The following SORCS1 variants were observed in gnomAD, a reference collection of about 807,000 sequenced individuals.
The protein encoded by SORCS1 is sortilin related VPS10 domain containing receptor 1.
A neutral mutation model predicts 146.1 loss-of-function variants in SORCS1; 60 were observed. The ratio of observed to expected loss-of-function variants is 0.41; its 90% CI spans 0.33 to 0.51. The LOEUF (loss-of-function observed/expected upper bound fraction) is 0.51, where lower values mean the gene tolerates loss of function less well. Ranked by LOEUF, SORCS1 falls within the 20% of genes least tolerant of loss-of-function variation. The probability of loss-of-function intolerance (pLI) is 0.21; values close to 1 mark genes in which losing one functional copy is unlikely to be tolerated. For missense variants in SORCS1, 1,352 were observed against 1,487.6 expected (o/e 0.91, Z 1.50); for synonymous variants, 637 against 584.0 (o/e 1.09, Z -1.31).
At chr10:106,664,618 G>T (rs1176607273) in intron 17 of SORCS1, among the ~76,000 whole-genome samples, 2 of 152,110 alleles carry the variant, frequency 1.3e-5, no homozygotes, top group Admixed American at 6.5e-5. Context: ...CTCCAGCCTG[G>T]GTAACAGAGT....
At chr10:106,870,126 G>A (rs551062000) in intron 2 of SORCS1, among the ~76,000 whole-genome samples, 6 of 151,914 alleles carry the variant, frequency 3.9e-5, no homozygotes, top group South Asian at 2.1e-4. Context: ...CTAGAAATAC[G>A]GCTAACCAAG....
rs528818634 is a variant in SORCS1 at position 107,125,546 on chromosome 10, C to T, written c.558+38423G>A. Among the ~76,000 whole-genome samples, 12 of 152,332 alleles carry T rather than the reference C, an allele frequency of 7.9e-5. No individual in the cohort carries two copies. The South Asian group carries it at 1.9e-3, about 24-fold the overall frequency. ...CTATACAATTTTTGCATACAGAAGA[C>T]ATTGCTTAACGCATTTGCATATGGG... On this transcript the variant is annotated intron_variant, in intron 1 of 25. Coordinates refer to ENST00000263054, the MANE Select transcript of SORCS1 (RefSeq NM_052918.5).
intron 3 of SORCS1, among the ~76,000 whole-genome samples, chr10:106,795,536 C>T (rs1301199853): frequency 6.6e-6 from 1 of 152,024 alleles, no homozygotes; most frequent in Non-Finnish European, 1.5e-5. Context: ...GACTAGACCA[C>T]GTGATGTGGG....
intron 2 of SORCS1, among the ~76,000 whole-genome samples, chr10:106,948,685 C>T (rs1168574923): frequency 2.0e-5 from 3 of 151,830 alleles, no homozygotes; most frequent in South Asian, 2.1e-4. Flanking sequence ...GTAGGCCGGG[C>T]GCAGTGCCTC....
At chr10:106,914,988 CTG>C (rs750912437) in intron 2 of SORCS1, among the ~76,000 whole-genome samples, 12 of 152,322 alleles carry the variant, frequency 7.9e-5, no homozygotes, top group East Asian at 1.9e-4. Context: ...AGACACGAGA[CTG>C]TGACTGGGGC....
intron 1 of SORCS1, among the ~76,000 whole-genome samples, chr10:107,083,515 G>A (rs1475647765): frequency 6.6e-6 from 1 of 152,120 alleles, no homozygotes; most frequent in East Asian, 1.9e-4. Flanking sequence ...CAACCACTTA[G>A]AAGATAAGAC....
chr10:106,722,460 T>C (rs1554909854), intron 6 of SORCS1, among the ~76,000 whole-genome samples: 1 of 152,180 alleles, frequency 6.6e-6, no homozygotes, highest in Non-Finnish European at 1.5e-5. Context: ...TGCATAGTTA[T>C]ATAAAGTTGT....
chr10:106,863,791 T>G (rs183731256), intron 2 of SORCS1, among the ~76,000 whole-genome samples: 1 of 150,690 alleles, frequency 6.6e-6, no homozygotes, highest in African/African-American at 2.4e-5. Flanking sequence ...ATTGCCAGAT[T>G]CCCATTGCCT....
At chr10:106,603,652 G>T (rs1487656556) in intron 23 of SORCS1, among the ~76,000 whole-genome samples, 1 of 152,120 alleles carries the variant, frequency 6.6e-6, no homozygotes, top group Non-Finnish European at 1.5e-5. Flanking sequence ...GGGGGCCAAG[G>T]CGTGAAATGA....
intron 5 of SORCS1, among the ~76,000 whole-genome samples, chr10:106,760,322 T>C (rs1858989784): frequency 6.6e-6 from 1 of 151,378 alleles, no homozygotes; most frequent in Middle Eastern, 3.2e-3. Flanking sequence ...TGGGCGCCTG[T>C]AGTCCCAGCT....
intron 2 of SORCS1, among the ~76,000 whole-genome samples, chr10:106,833,594 T>C (rs1948657444): frequency 6.6e-6 from 1 of 152,206 alleles, no homozygotes; most frequent in East Asian, 1.9e-4. Flanking sequence ...CCTCTCAAGT[T>C]TCCTCACAGT....
chr10:107,049,329 T>C (rs967750673), intron 1 of SORCS1, among the ~76,000 whole-genome samples: 1 of 144,530 alleles, frequency 6.9e-6, no homozygotes, highest in Admixed American at 6.9e-5. Flanking sequence ...AAATGACGAG[T>C]TAATGGGTGC....
chr10:106,633,432 T>C (rs1456254785), intron 18 of SORCS1, among the ~76,000 whole-genome samples: 2 of 152,198 alleles, frequency 1.3e-5, no homozygotes, highest in Non-Finnish European at 2.9e-5. Flanking sequence ...TGTCTAACTG[T>C]GATTTTGGAC....
chr10:106,833,340 C>A (rs1412931774), intron 2 of SORCS1, among the ~76,000 whole-genome samples: 3 of 152,132 alleles, frequency 2.0e-5, no homozygotes, highest in Non-Finnish European at 4.4e-5. Flanking sequence ...GAAAATGATG[C>A]ATTTTCACAC....
At chr10:107,179,202 C>T in the SORCS1 span, among the ~76,000 whole-genome samples, 1 of 152,126 alleles carries the variant, frequency 6.6e-6, no homozygotes, top group African/African-American at 2.4e-5. Context: ...ACTTGCATTT[C>T]CCTGACGATT....
chr10:107,035,760 T>C (rs1414527179), intron 1 of SORCS1, among the ~76,000 whole-genome samples: 102 of 152,246 alleles, frequency 6.7e-4, no homozygotes, highest in Non-Finnish European at 1.8e-4. Flanking sequence ...AACAGACTAA[T>C]AGGTAAAGGG....
intron 3 of SORCS1, among the ~76,000 whole-genome samples, chr10:106,828,689 C>A (rs976743686): frequency 3.5e-4 from 54 of 152,226 alleles, no homozygotes; most frequent in African/African-American, 1.3e-3. Context: ...AATCGTATGT[C>A]AGAATTTGGA....
chr10:106,635,296 G>A (rs1255481535), intron 18 of SORCS1, among the ~76,000 whole-genome samples: 3 of 152,108 alleles, frequency 2.0e-5, no homozygotes. Context: ...ATCAGAACCT[G>A]GTCCATGCAA....
At chr10:107,038,163 C>T (rs1409231513) in intron 1 of SORCS1, among the ~76,000 whole-genome samples, 2 of 152,096 alleles carry the variant, frequency 1.3e-5, no homozygotes, top group South Asian at 4.1e-4. Context: ...TATTTACAGC[C>T]AAGTGTCACC....
Sources: gnomAD v4.1 joint callset for allele counts (sites outside exome capture counted in the v4.1 genomes callset) on GRCh38, gnomAD v4.1.1 for gene constraint, MANE v1.5 for transcripts, NCBI Gene and HGNC (gene_info 2026-07-23, HGNC 2026-07-21) for gene names.